MGAM2: variants seen among roughly 807,000 people sequenced by gnomAD.
The protein encoded by MGAM2 is probable maltase-glucoamylase 2.
Under a neutral mutation model 96.1 loss-of-function variants are expected in MGAM2, and 98 were observed. That is an observed-to-expected ratio of 1.02 (90% CI 0.87 to 1.21). MGAM2 has a LOEUF of 1.21. MGAM2 is among the 50% of genes most tolerant of loss of function. The probability of loss-of-function intolerance (pLI) is 0.00; values close to 1 mark genes in which losing one functional copy is unlikely to be tolerated. For missense variants in MGAM2, 2,055 were observed against 1,182.4 expected (o/e 1.74, Z -10.82); for synonymous variants, 749 against 414.8 (o/e 1.81, Z -9.79).
chr7:142,127,720 C>T (rs188266938), intron 3 of MGAM2, among the ~76,000 whole-genome samples: 221 of 152,310 alleles, frequency 1.5e-3, no homozygotes, highest in African/African-American at 5.1e-3. Context: ...CTCTTGCCTG[C>T]CGCCATGTAA....
At chr7:142,208,263 G>T (rs1455426521) in intron 45 of MGAM2, 5 of 512,900 alleles carry the variant, frequency 9.7e-6, no homozygotes, top group African/African-American at 1.9e-5. Context: ...CTACATGCTT[G>T]CTGTCTCGCA....
chr7:142,137,304 A>C (rs2129079349), intron 8 of MGAM2, 129 bp from the exon 9 acceptor site: 1 of 473,460 alleles, frequency 2.1e-6, no homozygotes, highest in African/African-American at 2.0e-5. Context: ...TCTGATAAAA[A>C]GACAGTGTGA....
At chr7:142,146,162 TTAA>T (rs1795378128) in intron 14 of MGAM2, among the ~76,000 whole-genome samples, 1 of 75,598 alleles carries the variant, frequency 1.3e-5, no homozygotes, top group South Asian at 3.6e-4. Flanking sequence ...TTTTTTTTTC[TTAA>T]TTTCTCAATC....
intron 4 of MGAM2, 145 bp downstream of exon 4, chr7:142,131,216 G>A: frequency 3.3e-6 from 2 of 612,332 alleles, no homozygotes; most frequent in Non-Finnish European, 5.9e-6. Context: ...GACGTGGGTG[G>A]ATCATGAGGT....
intron 1 of MGAM2, among the ~76,000 whole-genome samples, chr7:142,114,187 A>G (rs557627422): frequency 1.8e-5 from 2 of 109,870 alleles, no homozygotes; most frequent in South Asian, 3.5e-4. Flanking sequence ...AGAAAGAAAG[A>G]AAGAAAGAAA....
At chr7:142,123,895 T>C (rs1165259277) in intron 3 of MGAM2, among the ~76,000 whole-genome samples, 1 of 151,982 alleles carries the variant, frequency 6.6e-6, no homozygotes, top group African/African-American at 2.4e-5. Flanking sequence ...TGTTTTATCC[T>C]TCAAATGTAG....
chr7:142,159,265 C>T (rs1306086385), intron 19 of MGAM2, 22 bp from the exon 20 acceptor site: 6 of 701,496 alleles, frequency 8.6e-6, no homozygotes, highest in Non-Finnish European at 1.6e-5. Flanking sequence ...GCTAATGCTA[C>T]TCATTATTGT....
intron 31 of MGAM2, among the ~76,000 whole-genome samples, chr7:142,174,646 C>A (rs1796305316): frequency 6.6e-6 from 1 of 150,700 alleles, no homozygotes; most frequent in Admixed American, 6.6e-5. Context: ...AGGATTATGT[C>A]ATCTGCGAAT....
intron 31 of MGAM2, among the ~76,000 whole-genome samples, chr7:142,174,498 A>G (rs987349386): frequency 2.6e-5 from 4 of 151,938 alleles, no homozygotes; most frequent in Non-Finnish European, 5.9e-5. Flanking sequence ...TAGAAATGCT[A>G]GAGATTTTTG....
At chr7:142,166,701 C>T (rs970520689) in intron 25 of MGAM2, among the ~76,000 whole-genome samples, 1 of 152,110 alleles carries the variant, frequency 6.6e-6, no homozygotes, top group African/African-American at 2.4e-5. Flanking sequence ...TCCTGTCTCC[C>T]TATCAAACTT....
intron 2 of MGAM2, among the ~76,000 whole-genome samples, chr7:142,117,800 A>G (rs1364303982): frequency 1.3e-5 from 2 of 152,156 alleles, no homozygotes; most frequent in Non-Finnish European, 2.9e-5. Context: ...TTCGGGTAAC[A>G]AGTCTCCTGA....
At chr7:142,153,058 C>T (rs983028339) in intron 15 of MGAM2, among the ~76,000 whole-genome samples, 3 of 149,766 alleles carry the variant, frequency 2.0e-5, no homozygotes, top group Non-Finnish European at 3.0e-5. Context: ...TGCAGTGGCA[C>T]GATCTTGGCT....
chr7:142,134,902 A>G (rs1468055684), intron 7 of MGAM2, among the ~76,000 whole-genome samples: 7 of 152,240 alleles, frequency 4.6e-5, no homozygotes, highest in African/African-American at 1.7e-4. Context: ...AGTTGAACAG[A>G]CATAAAATAT....
chr7:142,117,167 T>C (rs1326825152), intron 2 of MGAM2, among the ~76,000 whole-genome samples, 188 bp downstream of exon 2: 1 of 152,178 alleles, frequency 6.6e-6, no homozygotes, highest in Non-Finnish European at 1.5e-5. Flanking sequence ...ACCTTGAATG[T>C]TAGTGACATT....
chr7:142,125,919 C>T (rs1337725274), intron 3 of MGAM2, among the ~76,000 whole-genome samples: 8 of 152,104 alleles, frequency 5.3e-5, no homozygotes, highest in Admixed American at 5.2e-4. Context: ...TCCTGTCTAT[C>T]TCCAAATTAC....
chr7:142,201,618 C>T (rs189073781), intron 45 of MGAM2, among the ~76,000 whole-genome samples: 2 of 152,098 alleles, frequency 1.3e-5, no homozygotes, highest in South Asian at 2.1e-4. Context: ...AGTCAGCCTG[C>T]GGATTCATCC....
intron 27 of MGAM2, 184 bp from the exon 28 acceptor site, chr7:142,171,088 A>G (rs1227677897): frequency 1.6e-6 from 1 of 636,940 alleles, no homozygotes; most frequent in African/African-American, 1.8e-5. Flanking sequence ...ACAGAAATCT[A>G]ACATGGAACT....
Position 142,136,594 on chromosome 7 carries a change from C to A in MGAM2, c.801C>A (p.Ala267=), listed in dbSNP as rs1212386555. Residue 267 remains alanine, a synonymous_variant, in exon 8 of 48, where the codon GCC becomes GCA. Transcript: ENST00000477922. ...CATTCTTCTTGTGCCTTGAAGATGC[C>A]AGGGGCTCCTCTTTTGGAGTATTTC... The part of the protein sequence containing the change: ...AHTFFLCLED[A]RGSSFGVFLM... The A allele has an allele frequency of 1.4e-6, 1 of 702,582 alleles. No homozygotes were observed. The highest frequency in any genetic ancestry group is 1.5e-5 in the South Asian group (1 of 67,384). 43.5% of individuals were successfully genotyped at this position (702,582 alleles called of 1,614,324 possible). A position where few individuals can be genotyped will look rare whatever the true frequency, so the allele number is the denominator to read the frequency against.
intron 23 of MGAM2, among the ~76,000 whole-genome samples, chr7:142,164,454 C>T (rs1231441753): frequency 6.6e-6 from 1 of 152,082 alleles, no homozygotes; most frequent in Non-Finnish European, 1.5e-5. Flanking sequence ...CTCTTATCAT[C>T]ATTATTAGTA....
Sources: allele counts gnomAD v4.1 joint callset (sites outside exome capture counted in the v4.1 genomes callset), GRCh38; gene constraint gnomAD v4.1.1; transcripts MANE v1.5; gene names NCBI Gene and HGNC (gene_info 2026-07-23, HGNC 2026-07-21).